HDAC4: variants seen among roughly 807,000 people sequenced by gnomAD.
HDAC4 encodes the protein histone deacetylase 4, also known as histone deacetylase A.
Under a neutral mutation model 135.1 loss-of-function variants are expected in HDAC4, and 16 were observed. That is an observed-to-expected ratio of 0.12 (90% CI 0.08 to 0.18). The LOEUF (loss-of-function observed/expected upper bound fraction) is 0.18. HDAC4 is among the 10% of genes least tolerant of loss of function. The pLI, the probability that HDAC4 is intolerant of heterozygous loss-of-function variation, is 1.00. For missense variants in HDAC4, 1,143 were observed against 1,511.8 expected (o/e 0.76, Z 4.05); for synonymous variants, 685 against 653.4 (o/e 1.05, Z -0.74).
intron 1 of HDAC4, among the ~76,000 whole-genome samples, chr2:239,385,389 G>A (rs1293755695): frequency 1.3e-5 from 2 of 152,236 alleles, no homozygotes; most frequent in Admixed American, 6.5e-5. Flanking sequence ...GAGGACTGAA[G>A]AAAAGGAGGC....
chr2:239,176,618 GAGACCCAATGA>G, intron 4 of HDAC4, 55 bp from the exon 5 acceptor site: 4 of 1,551,468 alleles, frequency 2.6e-6, no homozygotes, highest in Non-Finnish European at 3.5e-6. Context: ...CACACACACA[GAGACCCAATGA>G]AGACCCAAGA....
At chr2:239,379,955 G>C (rs111877855) in intron 1 of HDAC4, among the ~76,000 whole-genome samples, 1 of 152,364 alleles carries the variant, frequency 6.6e-6, no homozygotes, top group Non-Finnish European at 1.5e-5. Context: ...GGGGGGAAGC[G>C]GATGCAGACT....
intron 3 of HDAC4, among the ~76,000 whole-genome samples, chr2:239,229,710 G>A (rs572788592): frequency 2.0e-5 from 3 of 152,266 alleles, no homozygotes; most frequent in Admixed American, 1.3e-4. Context: ...CAGACTGAAA[G>A]GTTTTCTGAC....
rs1207543527 is a variant in HDAC4 at position 239,313,132 on chromosome 2, G to A, written c.22+39546C>T. Among the ~76,000 whole-genome samples the A allele has an allele frequency of 6.6e-6, 1 of 152,196 alleles. No individual in the cohort carries two copies. The highest frequency in any genetic ancestry group is 2.4e-5 in the African/African-American group (1 of 41,442). On this transcript the variant is annotated intron_variant, in intron 2 of 26. Coordinates refer to ENST00000543185, the MANE Select transcript of HDAC4 (RefSeq NM_001378414.1). The surrounding 1 kb of genome is among the most constrained non-coding windows in gnomAD (Gnocchi z 5.1). ...TGCCTCCCCGGGGGCGTTCCGAGGT[G>A]GCGGAGGAGGAAGCTGCAGCCCGTT...
chr2:239,184,731 T>TG (rs540714694), intron 4 of HDAC4, among the ~76,000 whole-genome samples: 3 of 108,074 alleles, frequency 2.8e-5, no homozygotes, highest in East Asian at 4.2e-4. Context: ...CCTCAGTGTC[T>TG]GTCCTGGAGA....
At chr2:239,199,123 ACCCCG>A (rs1553554079) in intron 3 of HDAC4, among the ~76,000 whole-genome samples, 4 of 123,512 alleles carry the variant, frequency 3.2e-5, no homozygotes, top group Non-Finnish European at 5.3e-5. Context: ...CACCACCCCC[ACCCCG>A]ATAATTTATT....
chr2:239,121,393 T>C (rs572374902), intron 12 of HDAC4, among the ~76,000 whole-genome samples: 1 of 152,196 alleles, frequency 6.6e-6, no homozygotes, highest in Non-Finnish European at 1.5e-5. Context: ...GGGGGGCTGT[T>C]TCAGGGGCCC....
Position 239,160,760 on chromosome 2 carries a change from T to G in HDAC4, c.611+3043A>C, listed in dbSNP as rs147554197. Reference sequence around the variant, plus strand: ...TGATAGCTTGGTTGTTTCCACTGTTTGGTGACTGTGACCGTAAGATGACGA... The same window carrying G: ...TGATAGCTTGGTTGTTTCCACTGTTGGGTGACTGTGACCGTAAGATGACGA... On this transcript the variant is annotated intron_variant, in intron 6 of 26. Transcript: ENST00000543185. Among the ~76,000 whole-genome samples, 12 of 152,368 alleles carry G rather than the reference T, an allele frequency of 7.9e-5. No homozygotes were observed. In the East Asian group the frequency reaches 2.3e-3, roughly 29 times the overall value.
chr2:239,225,628 C>T (rs768136398), intron 3 of HDAC4, among the ~76,000 whole-genome samples: 5 of 152,196 alleles, frequency 3.3e-5, no homozygotes, highest in Non-Finnish European at 5.9e-5. Flanking sequence ...AGGGCAGGCC[C>T]GCCCAGGAAG....
intron 17 of HDAC4, among the ~76,000 whole-genome samples, chr2:239,092,691 C>T (rs539856394): frequency 2.0e-5 from 3 of 152,278 alleles, no homozygotes; most frequent in South Asian, 2.1e-4. Flanking sequence ...TTCAGGACCA[C>T]GGCTCCAGCT....
At chr2:239,226,499 T>C (rs1192280789) in intron 3 of HDAC4, among the ~76,000 whole-genome samples, 1 of 152,106 alleles carries the variant, frequency 6.6e-6, no homozygotes, top group Admixed American at 6.5e-5. Context: ...TGTGGACGGT[T>C]TTAGAAGCAC....
intron 12 of HDAC4, among the ~76,000 whole-genome samples, chr2:239,121,341 TG>T (rs1007917678): frequency 1.3e-5 from 2 of 152,066 alleles, no homozygotes; most frequent in African/African-American, 4.8e-5. Flanking sequence ...TGAATGGCGG[TG>T]GAGGTAGTGG....
chr2:239,195,248 C>T (rs555521041), intron 3 of HDAC4, among the ~76,000 whole-genome samples: 1 of 152,348 alleles, frequency 6.6e-6, no homozygotes, highest in Admixed American at 6.5e-5. Flanking sequence ...CTAAAGTAAG[C>T]TAAGAGCAGA....
intron 1 of HDAC4, among the ~76,000 whole-genome samples, chr2:239,374,289 G>A (rs1332245074): frequency 6.6e-6 from 1 of 151,356 alleles, no homozygotes; most frequent in Non-Finnish European, 1.5e-5. Context: ...GGAAAACACA[G>A]GTCAGAGGTG....
chr2:239,397,606 G>A (rs182708431), intron 1 of HDAC4, among the ~76,000 whole-genome samples: 269 of 152,272 alleles, frequency 1.8e-3, no homozygotes, highest in Admixed American at 3.3e-3. Flanking sequence ...TTGTCAGTGA[G>A]GCTGCAGCAA....
At chr2:239,175,903 C>G (rs2043730686) in intron 5 of HDAC4, among the ~76,000 whole-genome samples, 1 of 152,182 alleles carries the variant, frequency 6.6e-6, no homozygotes, top group African/African-American at 2.4e-5. Context: ...TCCTGCAGCC[C>G]TGGATGAAGA....
At chr2:239,316,938 A>T (rs1372109328) in intron 2 of HDAC4, among the ~76,000 whole-genome samples, 2 of 152,174 alleles carry the variant, frequency 1.3e-5, no homozygotes, top group Non-Finnish European at 2.9e-5. Context: ...AAAAGTACAC[A>T]GGGGGAAAAA....
rs1265500394 is a variant in HDAC4 at position 239,306,569 on chromosome 2, T to A, written c.22+46109A>T. ...CCTTTCCCGGTCATGATACAAAACATAAGCTGGAAAGGGTGCTCTTCACCT... is the reference window on the plus strand; with the variant it reads ...CCTTTCCCGGTCATGATACAAAACAAAAGCTGGAAAGGGTGCTCTTCACCT... On this transcript the variant is annotated intron_variant, in intron 2 of 26. Transcript: ENST00000543185. This position sits in a 1 kb window ranked among gnomAD's most constrained non-coding sequence, Gnocchi z 4.5. 3.7e-4 allele frequency among the ~76,000 whole-genome samples: 57 copies of A among 152,002 alleles called. No individual in the cohort carries two copies. The highest frequency in any genetic ancestry group is 2.9e-5 in the Non-Finnish European group (2 of 67,992).
rs61118084 is a variant in HDAC4, at chr2:239,366,793, C to T, written c.-219-13875G>A. 5.8e-3 allele frequency among the ~76,000 whole-genome samples: 798 copies of T among 137,162 alleles called. 111 individuals carry two copies. The highest frequency in any genetic ancestry group is 0.028 in the African/African-American group (758 of 27,322). 90.0% of individuals were successfully genotyped at this position (137,162 alleles called of 152,430 possible). A position where few individuals can be genotyped will look rare whatever the true frequency, so the allele number is the denominator to read the frequency against. ...TCCCAGGCAGATGGCTGCAACCCCA[C>T]GAAGGAAAACATGACTTATCCCTGA... On this transcript the variant is annotated intron_variant, in intron 1 of 26. Coordinates refer to ENST00000543185, the MANE Select transcript of HDAC4 (RefSeq NM_001378414.1).
Sources: gnomAD v4.1 joint callset for allele counts (sites outside exome capture counted in the v4.1 genomes callset) on GRCh38, gnomAD v4.1.1 for gene constraint, Gnocchi (gnomAD v3.1) non-coding constraint, MANE v1.5 for transcripts, NCBI Gene and HGNC (gene_info 2026-07-23, HGNC 2026-07-21) for gene names.